The following NRG1 variants were observed in gnomAD, a reference collection of about 807,000 sequenced individuals.
The protein encoded by NRG1 is neuregulin 1, also known as pro-neuregulin-1, membrane-bound isoform.
NRG1 carries 18 observed loss-of-function variants against 63.8 expected under a neutral mutation model. That is an observed-to-expected ratio of 0.28 (90% confidence interval 0.19 to 0.42). The LOEUF is 0.42. NRG1 is among the 10% of genes least tolerant of loss of function. The pLI is 1.00. For synonymous variants in NRG1, 302 were observed against 301.3 expected (o/e 1.00, Z -0.02); for missense variants, 762 against 814.7 (o/e 0.94, Z 0.79).
chr8:32,332,143 TA>T (rs530300419), intron 1 of NRG1, among the ~76,000 whole-genome samples: 36 of 151,782 alleles, frequency 2.4e-4, no homozygotes, highest in African/African-American at 7.5e-4. Context: ...TAAAAAAATA[TA>T]AAAAAAAGAA....
Position 32,636,091 on chromosome 8 carries a change from TA to T in NRG1, c.502+19208del, listed in dbSNP as rs1373300071. ...TAGGGACAGAGTAGTGGCAAAGCCT[TA>T]AGGTGGTAAAATTTTTGAGAAACAC... On this transcript the variant is annotated intron_variant, in intron 5 of 11. Coordinates refer to ENST00000356819, the Ensembl canonical transcript of NRG1. 9.9e-5 allele frequency among the ~76,000 whole-genome samples: 15 copies of T among 152,200 alleles called. No individual in the cohort carries two copies. The East Asian group carries it at 2.7e-3, about 27-fold the overall frequency.
intron 1 of NRG1, among the ~76,000 whole-genome samples, chr8:31,966,115 A>AG (rs1806281920): frequency 6.6e-6 from 1 of 152,190 alleles, no homozygotes; most frequent in African/African-American, 2.4e-5. Flanking sequence ...CTAAAAAAAA[A>AG]AGAAACAAGC....
At chr8:31,756,660 T>C (rs980295000) in intron 1 of NRG1, among the ~76,000 whole-genome samples, 4 of 152,178 alleles carry the variant, frequency 2.6e-5, no homozygotes, top group African/African-American at 9.6e-5. Context: ...TTATGGTCTG[T>C]TTTATTTCCC....
intron 1 of NRG1, among the ~76,000 whole-genome samples, chr8:32,327,014 C>T (rs1802102483): frequency 6.6e-6 from 1 of 152,182 alleles, no homozygotes; most frequent in Non-Finnish European, 1.5e-5. Flanking sequence ...GGAAATTCTG[C>T]TAGTCAATGG....
At chr8:32,615,708 G>A (rs549868205) in intron 4 of NRG1, among the ~76,000 whole-genome samples, 7 of 151,692 alleles carry the variant, frequency 4.6e-5, no homozygotes, top group Non-Finnish European at 1.0e-4. Context: ...AACCATAAAA[G>A]CTAAACATCT....
chr8:32,564,107 G>C (rs138586410), intron 1 of NRG1, among the ~76,000 whole-genome samples: 1 of 152,120 alleles, frequency 6.6e-6, no homozygotes, highest in Non-Finnish European at 1.5e-5. Context: ...CAGAGTCACC[G>C]AGTCCCACAC....
rs535724735 is a variant in NRG1 at position 31,736,552 on chromosome 8, C to CA, written c.37+97123dup. Among the ~76,000 whole-genome samples the CA allele has an allele frequency of 3.9e-3, 590 of 151,992 alleles. 1 individual carries two copies. Among genetic ancestry groups the CA allele is most frequent in the South Asian group, 0.019 (92 of 4,812 alleles). On this transcript the variant is annotated intron_variant, in intron 1 of 10. Coordinates refer to the NRG1 transcript ENST00000519301. ...GTAGACCCAATCTTGCACAGGCAGC[C>CA]AAGAAACAAAACCAAGAAAAAAAAA...
At chr8:31,985,587 T>C (rs1255733377) in intron 1 of NRG1, among the ~76,000 whole-genome samples, 2 of 152,034 alleles carry the variant, frequency 1.3e-5, no homozygotes, top group African/African-American at 4.8e-5. Context: ...TTTTTTACTT[T>C]AGATACTCAG....
At chr8:31,813,949 G>A (rs1023219478) in intron 1 of NRG1, among the ~76,000 whole-genome samples, 3 of 152,024 alleles carry the variant, frequency 2.0e-5, no homozygotes, top group Non-Finnish European at 4.4e-5. Flanking sequence ...AAGTCTTAGG[G>A]GGTTATCACT....
chr8:32,088,797 C>T lies in NRG1; in HGVS notation c.37+449366C>T, dbSNP rs966477926. Among the ~76,000 whole-genome samples the T allele has an allele frequency of 2.6e-5, 4 of 152,036 alleles. No individual in the cohort carries two copies. In the East Asian group the frequency reaches 5.8e-4, roughly 22 times the overall value. Reference sequence around the variant, plus strand: ...CGTCCAAAAGTGCTGGGATTACAGGCGTGAGCCACTGCGCCTGGCCCAGGT... The same window carrying T: ...CGTCCAAAAGTGCTGGGATTACAGGTGTGAGCCACTGCGCCTGGCCCAGGT... On this transcript the variant is annotated intron_variant, in intron 1 of 10. Transcript: ENST00000519301.
chr8:31,715,067 A>C (rs1812216345), intron 1 of NRG1, among the ~76,000 whole-genome samples: 1 of 152,112 alleles, frequency 6.6e-6, no homozygotes, highest in Admixed American at 6.5e-5. Context: ...TAGAAATGAA[A>C]CCCAGAGTTA....
chr8:32,764,027 C>G, exon 12 of NRG1: 4 of 1,614,088 alleles, frequency 2.5e-6, no homozygotes, highest in Non-Finnish European at 3.4e-6. Context: ...CTGCTAGCCC[C>G]TTGAGGATAG....
At chr8:32,556,164 T>C (rs1835137097) in intron 1 of NRG1, among the ~76,000 whole-genome samples, 1 of 152,254 alleles carries the variant, frequency 6.6e-6, no homozygotes, top group Non-Finnish European at 1.5e-5. Context: ...ATTTGGACTT[T>C]GAAAAAGTAA....
chr8:31,958,523 C>T (rs1180927756), intron 1 of NRG1, among the ~76,000 whole-genome samples: 1 of 152,076 alleles, frequency 6.6e-6, no homozygotes, highest in Non-Finnish European at 1.5e-5. Context: ...AGACAAAGAC[C>T]AGCATAAACT....
At chr8:32,403,510 T>G (rs558658682) in intron 1 of NRG1, among the ~76,000 whole-genome samples, 1 of 152,244 alleles carries the variant, frequency 6.6e-6, no homozygotes, top group South Asian at 2.1e-4. Context: ...ATTTTCACTT[T>G]TATAAGATAA....
chr8:32,067,163 A>G (rs893114253), intron 1 of NRG1, among the ~76,000 whole-genome samples: 1 of 152,080 alleles, frequency 6.6e-6, no homozygotes, highest in Non-Finnish European at 1.5e-5. Context: ...CTCTTTTCCT[A>G]ATTGAATACC....
chr8:31,822,155 A>G (rs945546442), intron 1 of NRG1, among the ~76,000 whole-genome samples: 3 of 152,200 alleles, frequency 2.0e-5, no homozygotes, highest in Non-Finnish European at 2.9e-5. Flanking sequence ...ACTATTTCCA[A>G]TAACTTACCT....
At chr8:32,722,092 T>C (rs1441369383) in intron 5 of NRG1, 1 of 1,390,158 alleles carries the variant, frequency 7.2e-7, no homozygotes, top group Admixed American at 2.3e-5. Context: ...AGTTTAATAT[T>C]CAAACATTTA....
At chr8:32,199,988 A>G (rs1843340374) in intron 1 of NRG1, among the ~76,000 whole-genome samples, 1 of 152,182 alleles carries the variant, frequency 6.6e-6, no homozygotes, top group Admixed American at 6.5e-5. Context: ...CATGTTGGCC[A>G]GGCTGGTCTC....
Sources: gnomAD v4.1 joint callset for allele counts (sites outside exome capture counted in the v4.1 genomes callset) on GRCh38, gnomAD v4.1.1 for gene constraint, MANE v1.5 for transcripts, NCBI Gene and HGNC (gene_info 2026-07-23, HGNC 2026-07-21) for gene names.